C8orf34: variants seen among roughly 807,000 people sequenced by gnomAD.
C8orf34 encodes the protein chromosome 8 open reading frame 34, also known as uncharacterized protein C8orf34.
A neutral mutation model predicts 68.3 loss-of-function variants in C8orf34; 65 were observed. The ratio of observed to expected loss-of-function variants is 0.95; its 90% CI spans 0.78 to 1.17. The LOEUF is 1.17. Ranked by LOEUF, C8orf34 falls within the 50% of genes most tolerant of loss-of-function variation. The pLI is 0.00. For missense variants in C8orf34, 664 were observed against 655.4 expected (o/e 1.01, Z -0.14); for synonymous variants, 244 against 241.2 (o/e 1.01, Z -0.11).
intron 5 of C8orf34, among the ~76,000 whole-genome samples, chr8:68,521,148 C>CTT (rs1353474170): frequency 5.3e-5 from 8 of 152,120 alleles, no homozygotes; most frequent in Non-Finnish European, 1.0e-4. Context: ...ATAAGTATTG[C>CTT]TTTTTAACTT....
chr8:68,745,448 TAAAG>T (rs982864283), intron 10 of C8orf34, among the ~76,000 whole-genome samples: 11 of 152,036 alleles, frequency 7.2e-5, no homozygotes, highest in African/African-American at 2.7e-4. Flanking sequence ...GCAAATTGGA[TAAAG>T]AGTCAAGACC....
At chr8:68,348,079 A>G (rs893290452) in intron 1 of C8orf34, among the ~76,000 whole-genome samples, 2 of 151,666 alleles carry the variant, frequency 1.3e-5, no homozygotes, top group African/African-American at 2.4e-5. Context: ...GTCTTCTAGG[A>G]TTTTTATAAT....
chr8:68,616,165 T>C (rs1167787285), intron 7 of C8orf34, among the ~76,000 whole-genome samples: 2 of 151,712 alleles, frequency 1.3e-5, no homozygotes, highest in Non-Finnish European at 2.9e-5. Context: ...ATTGCGTCTA[T>C]TTGATTCTTC....
intron 8 of C8orf34, among the ~76,000 whole-genome samples, chr8:68,707,294 G>A (rs773035468): frequency 2.8e-4 from 42 of 152,104 alleles, no homozygotes; most frequent in Non-Finnish European, 2.9e-4. Flanking sequence ...GGAGGGCACC[G>A]TGTGGACAAG....
At chr8:68,462,484 A>G (rs1368924980) in intron 3 of C8orf34, among the ~76,000 whole-genome samples, 1 of 151,628 alleles carries the variant, frequency 6.6e-6, no homozygotes, top group Non-Finnish European at 1.5e-5. Flanking sequence ...TCAACAGAAT[A>G]TACATTTTTT....
At chr8:68,551,548 G>C (rs960017388) in intron 7 of C8orf34, among the ~76,000 whole-genome samples, 1 of 151,924 alleles carries the variant, frequency 6.6e-6, no homozygotes, top group African/African-American at 2.4e-5. Flanking sequence ...GGCTATAGGA[G>C]GTTTTTTGTT....
chr8:68,525,733 C>T, intron 6 of C8orf34: 1 of 638,782 alleles, frequency 1.6e-6, no homozygotes, highest in South Asian at 1.4e-5. Flanking sequence ...CAACAATCTT[C>T]CCAGCTCTGT....
chr8:68,456,991 ATGATAGTG>A (rs1477328832), intron 3 of C8orf34, among the ~76,000 whole-genome samples: 1 of 152,216 alleles, frequency 6.6e-6, no homozygotes, highest in East Asian at 1.9e-4. Context: ...TATTCTGTGC[ATGATAGTG>A]AATGCTGATC....
intron 7 of C8orf34, among the ~76,000 whole-genome samples, chr8:68,624,440 G>A (rs547524529): frequency 2.0e-4 from 30 of 152,170 alleles, no homozygotes; most frequent in East Asian, 5.8e-4. Context: ...ACACTTCAGC[G>A]GTATGTACAT....
chr8:68,579,173 T>C (rs1363012648), intron 7 of C8orf34, among the ~76,000 whole-genome samples: 2 of 152,070 alleles, frequency 1.3e-5, no homozygotes, highest in Non-Finnish European at 2.9e-5. Flanking sequence ...TACTCCCAGG[T>C]ACAGAAACTG....
Position 68,581,308 on chromosome 8 carries a change from A to G in C8orf34, c.1105+48159A>G, listed in dbSNP as rs568164705. ...TTTGTTTACATTTGTCTCTGTGTCC[A>G]TGTGTCTTTAGAAATAAAGATGTTC... On this transcript the variant is annotated intron_variant, in intron 7 of 13. Coordinates refer to ENST00000518698, the MANE Select transcript of C8orf34 (RefSeq NM_052958.4). Among the ~76,000 whole-genome samples, 21 of 152,212 alleles carry G rather than the reference A, an allele frequency of 1.4e-4. No homozygotes were observed. The South Asian group carries it at 4.1e-3, about 30-fold the overall frequency.
At chr8:68,617,511 C>T (rs538639077) in intron 7 of C8orf34, among the ~76,000 whole-genome samples, 6 of 152,238 alleles carry the variant, frequency 3.9e-5, no homozygotes, top group African/African-American at 1.4e-4. Context: ...ATTTGCTTGT[C>T]TGTAAAGTAT....
At chr8:68,376,184 C>CATAAAATAAAATAAA (rs55750047) in intron 1 of C8orf34, among the ~76,000 whole-genome samples, 51,875 of 145,526 alleles carry the variant, frequency 0.36, 9,838 homozygotes, top group Non-Finnish European at 0.41. Flanking sequence ...AAAAGGCAGA[C>CATAAAATAAAATAAA]ATAAAATAAA....
intron 1 of C8orf34, among the ~76,000 whole-genome samples, chr8:68,374,084 C>A (rs942967957): frequency 3.9e-5 from 6 of 152,102 alleles, no homozygotes; most frequent in Admixed American, 1.3e-4. Context: ...CCCACCTAAT[C>A]TTTTAATTTT....
chr8:68,723,520 T>TTA, intron 10 of C8orf34, among the ~76,000 whole-genome samples: 1 of 152,264 alleles, frequency 6.6e-6, no homozygotes, highest in South Asian at 2.1e-4. Flanking sequence ...TATTTGGTGA[T>TTA]TATAACCTAC....
intron 12 of C8orf34, among the ~76,000 whole-genome samples, chr8:68,796,945 G>A (rs1031069718): frequency 1.3e-5 from 2 of 150,626 alleles, no homozygotes; most frequent in Non-Finnish European, 2.9e-5. Context: ...TCTTGCCTCA[G>A]CCTGCCGAGT....
chr8:68,460,218 G>A (rs1164498110), intron 3 of C8orf34, among the ~76,000 whole-genome samples: 1 of 152,200 alleles, frequency 6.6e-6, no homozygotes, highest in African/African-American at 2.4e-5. Context: ...CAAACTGCAA[G>A]GCAGCAGCGA....
intron 1 of C8orf34, among the ~76,000 whole-genome samples, chr8:68,341,794 T>C (rs1092888): frequency 1 from 151,766 of 152,340 alleles, 75,600 homozygotes; most frequent in Middle Eastern, 1. Flanking sequence ...GCCAGTGCCA[T>C]GCTTCTTGTA....
chr8:68,515,373 CTTTTTTTTCT>C (rs1231018954), intron 5 of C8orf34, among the ~76,000 whole-genome samples: 9 of 138,432 alleles, frequency 6.5e-5, no homozygotes, highest in African/African-American at 2.9e-4. Flanking sequence ...GATAATTTCT[CTTTTTTTTCT>C]TTTTTTTTTT....
Sources: allele counts gnomAD v4.1 joint callset (sites outside exome capture counted in the v4.1 genomes callset), GRCh38; gene constraint gnomAD v4.1.1; transcripts MANE v1.5; gene names NCBI Gene and HGNC (gene_info 2026-07-23, HGNC 2026-07-21).